Variants in RIPOR2 observed in about 807,000 individuals in gnomAD.
RIPOR2 encodes the protein rho family-interacting cell polarization regulator 2.
A neutral mutation model predicts 114.5 loss-of-function variants in RIPOR2; 39 were observed. The ratio of observed to expected loss-of-function variants is 0.34; its 90% CI spans 0.26 to 0.44. The LOEUF (loss-of-function observed/expected upper bound fraction) is 0.44, where lower values mean the gene tolerates loss of function less well. Ranked by LOEUF, RIPOR2 falls within the 20% of genes least tolerant of loss-of-function variation. The pLI, the probability that RIPOR2 is intolerant of heterozygous loss-of-function variation, is 1.00. For missense variants in RIPOR2, 1,007 were observed against 1,255.1 expected (o/e 0.80, Z 2.99); for synonymous variants, 445 against 484.4 (o/e 0.92, Z 1.07).
intron 1 of RIPOR2, chr6:24,947,782 G>A (rs538906166): frequency 1.3e-5 from 2 of 152,080 alleles, no homozygotes; most frequent in East Asian, 3.9e-4. Context: ...GAGCAGTGAA[G>A]GAAGGGAAGG....
intron 1 of RIPOR2, among the ~76,000 whole-genome samples, chr6:24,975,508 T>G (rs1487131347): frequency 1.3e-5 from 2 of 152,180 alleles, no homozygotes; most frequent in African/African-American, 4.8e-5. Context: ...TTCAGCATTG[T>G]GACTACAGTT....
Position 24,850,663 on chromosome 6 carries a change from G to T in RIPOR2, c.819C>A (p.Gly273=). 6.2e-7 allele frequency: 1 copy of T among 1,613,794 alleles called. No individual in the cohort carries two copies. The highest frequency in any genetic ancestry group is 8.5e-7 in the Non-Finnish European group (1 of 1,179,812). Residue 273 remains glycine (G), a synonymous_variant, in exon 10 of 22, where the codon GGC becomes GGA. Coordinates refer to ENST00000643898, the MANE Select transcript of RIPOR2 (RefSeq NM_001286445.3). ...TTTCTTCTCCATCCCAGCTCTGCTT[G>T]CCATTTACTTCTATTTTGCCTTTCA... ...WKLKGKIEVN[G]KQSWDGEETV... is the part of the protein sequence containing the mutation.
chr6:24,961,469 T>C (rs1395312387), intron 1 of RIPOR2, among the ~76,000 whole-genome samples: 2 of 152,190 alleles, frequency 1.3e-5, no homozygotes, highest in Non-Finnish European at 2.9e-5. Context: ...AAGTCAAACA[T>C]GTAGCCTGGA....
chr6:24,954,286 C>T (rs1772925282), intron 1 of RIPOR2, among the ~76,000 whole-genome samples: 1 of 152,074 alleles, frequency 6.6e-6, no homozygotes, highest in Non-Finnish European at 1.5e-5. Context: ...GATACAAACA[C>T]CCTGGCACAA....
At chr6:24,944,672 A>G (rs1445980648) in intron 1 of RIPOR2, among the ~76,000 whole-genome samples, 1 of 152,236 alleles carries the variant, frequency 6.6e-6, no homozygotes, top group Non-Finnish European at 1.5e-5. Flanking sequence ...GATTTGATGA[A>G]CAAGATTAAT....
intron 1 of RIPOR2, among the ~76,000 whole-genome samples, chr6:24,991,744 T>G (rs1774824581): frequency 6.6e-6 from 1 of 151,796 alleles, no homozygotes; most frequent in Non-Finnish European, 1.5e-5. Context: ...TATCCAAACC[T>G]CAGCTTAAAG....
At chr6:25,023,702 C>T in intron 1 of RIPOR2, 1 of 767,322 alleles carries the variant, frequency 1.3e-6, no homozygotes, top group Non-Finnish European at 2.4e-6. Flanking sequence ...GTCAGTACAG[C>T]CCACACCGTG....
rs11961640 is a variant in RIPOR2 at position 24,832,656 on chromosome 6, T to C, written c.2209-265A>G. Among the ~76,000 whole-genome samples the C allele has an allele frequency of 0.026, 4,009 of 152,322 alleles. 162 individuals are homozygous for C. The highest frequency in any genetic ancestry group is 0.084 in the African/African-American group (3,498 of 41,556). ...GTCTACAAGGTTATTATAAAGCTGCTTTCCCTTTTATGTATTGTGAATCTG... is the reference window on the plus strand; with the variant it reads ...GTCTACAAGGTTATTATAAAGCTGCCTTCCCTTTTATGTATTGTGAATCTG... On this transcript the variant is annotated intron_variant, in intron 15 of 21. Coordinates refer to ENST00000643898, the MANE Select transcript of RIPOR2 (RefSeq NM_001286445.3).
In RIPOR2 at chr6:24,991,385, T is replaced by C. The variant is rs568524875; in HGVS notation, c.76+50466A>G. On this transcript the variant is annotated intron_variant, in intron 1 of 13. Transcript: ENST00000510784. ...AATTTGACAATTTTAATTTAGTCTG[T>C]GAGCCATTCTGTTGTGCGACTTCTT... Among the ~76,000 whole-genome samples, 20 of 152,360 alleles carry C rather than the reference T, an allele frequency of 1.3e-4. No individual in the cohort carries two copies. In the East Asian group the frequency reaches 3.9e-3, roughly 29 times the overall value.
At chr6:25,036,101 A>G (rs1777238160) in intron 1 of RIPOR2, among the ~76,000 whole-genome samples, 1 of 152,176 alleles carries the variant, frequency 6.6e-6, no homozygotes, top group Admixed American at 6.5e-5. Context: ...CTGCTTGACC[A>G]GGTCCCCTTG....
rs370009616 is a variant in RIPOR2, at chr6:24,836,830, A to ACT, written c.2040-961_2040-960dup. ...AAAATACACACACACACACACACAC[A>ACT]CTCTCTCTCTCTCTCTGTCTCTCTC... On this transcript the variant is annotated intron_variant, in intron 14 of 21. Coordinates refer to ENST00000643898, the MANE Select transcript of RIPOR2 (RefSeq NM_001286445.3). Among the ~76,000 whole-genome samples the ACT allele has an allele frequency of 3.9e-4, 39 of 99,054 alleles. No homozygotes were observed. In the South Asian group the frequency reaches 6.1e-3, roughly 15 times the overall value. The allele number at this position is 99,054 out of a possible 152,430, so 65.0% of individuals were successfully genotyped here.
At chr6:25,022,532 A>ATTTTTTTTTTTTTTTTTTTTTTTTTTTT (rs10564019) in intron 1 of RIPOR2, among the ~76,000 whole-genome samples, 1 of 40,992 alleles carries the variant, frequency 2.4e-5, no homozygotes, top group South Asian at 1.3e-3. Context: ...GGTACCTTCC[A>ATTTTTTTTTTTTTTTTTTTTTTTTTTTT]TTTTTTTTTT....
chr6:24,859,485 C>A (rs556951404), intron 8 of RIPOR2, among the ~76,000 whole-genome samples: 2 of 152,164 alleles, frequency 1.3e-5, no homozygotes, highest in African/African-American at 2.4e-5. Context: ...TATGGACCTG[C>A]GTGATTTTGG....
intron 1 of RIPOR2, among the ~76,000 whole-genome samples, chr6:24,919,481 C>A (rs1581797377): frequency 6.6e-6 from 1 of 152,266 alleles, no homozygotes; most frequent in East Asian, 1.9e-4. Flanking sequence ...GGAATCCCGG[C>A]TATGTTTTCA....
intron 1 of RIPOR2, among the ~76,000 whole-genome samples, chr6:24,911,493 A>T (rs556946425): frequency 1.3e-5 from 2 of 152,032 alleles, no homozygotes; most frequent in Non-Finnish European, 2.9e-5. Context: ...GGGCGGTGTG[A>T]GGGTGAGGTT....
chr6:24,994,454 T>G (rs1157921408), intron 1 of RIPOR2, among the ~76,000 whole-genome samples: 3 of 152,182 alleles, frequency 2.0e-5, no homozygotes, highest in African/African-American at 4.8e-5. Context: ...GAGACTGGGA[T>G]GTTGAAAGCC....
intron 1 of RIPOR2, among the ~76,000 whole-genome samples, chr6:24,981,930 G>A (rs1231175852): frequency 1.3e-5 from 2 of 152,208 alleles, no homozygotes; most frequent in African/African-American, 4.8e-5. Flanking sequence ...GAGGAAGGGG[G>A]CTCACCTTGT....
intron 8 of RIPOR2, among the ~76,000 whole-genome samples, chr6:24,860,147 C>T (rs1384302053): frequency 6.6e-6 from 1 of 152,118 alleles, no homozygotes; most frequent in East Asian, 1.9e-4. Context: ...CAGAAAGGCA[C>T]TGGGAGGGGA....
intron 15 of RIPOR2, among the ~76,000 whole-genome samples, chr6:24,834,609 C>T (rs1180686022): frequency 6.6e-6 from 1 of 151,980 alleles, no homozygotes; most frequent in Admixed American, 6.6e-5. Flanking sequence ...TCTATGCCTA[C>T]CAGGTGATCG....
Sources: allele counts gnomAD v4.1 joint callset (sites outside exome capture counted in the v4.1 genomes callset), GRCh38; gene constraint gnomAD v4.1.1; transcripts MANE v1.5; gene names NCBI Gene and HGNC (gene_info 2026-07-23, HGNC 2026-07-21).